Variants in OLFM3 observed in about 807,000 individuals in gnomAD.
OLFM3 encodes the protein noelin-3.
OLFM3 carries 20 observed loss-of-function variants against 48.6 expected under a neutral mutation model. The observed-to-expected ratio is 0.41, with a 90% confidence interval of 0.29 to 0.60. OLFM3 has a LOEUF of 0.60. Among genes scored for constraint, OLFM3 ranks in the 20% least tolerant of loss-of-function variants. OLFM3 has a pLI of 0.28. For missense variants in OLFM3, 437 were observed against 544.3 expected (o/e 0.80, Z 1.96); for synonymous variants, 222 against 198.1 (o/e 1.12, Z -1.01).
At chr1:101,994,305 C>T (rs369785033) in intron 1 of OLFM3, among the ~76,000 whole-genome samples, 56 of 150,820 alleles carry the variant, frequency 3.7e-4, no homozygotes, top group African/African-American at 1.3e-3. Context: ...TATTAGTATG[C>T]AAAAAGGCAG....
intron 1 of OLFM3, among the ~76,000 whole-genome samples, chr1:101,868,644 A>T (rs762399852): frequency 2.6e-4 from 40 of 152,218 alleles, no homozygotes; most frequent in Admixed American, 1.7e-3. Flanking sequence ...TTACATAAGT[A>T]ATGAGGAACC....
chr1:101,833,095 T>C (rs113003790), intron 2 of OLFM3, among the ~76,000 whole-genome samples: 139 of 152,338 alleles, frequency 9.1e-4, no homozygotes, highest in African/African-American at 2.9e-3. Context: ...CTGGGCCAAG[T>C]CTATACAATT....
At chr1:101,964,352 A>G (rs1246705131) in intron 1 of OLFM3, among the ~76,000 whole-genome samples, 2 of 152,204 alleles carry the variant, frequency 1.3e-5, no homozygotes, top group South Asian at 2.1e-4. Context: ...ATATACCACA[A>G]CAAAGGGTTT....
chr1:101,940,411 A>T (rs11585635), intron 1 of OLFM3, among the ~76,000 whole-genome samples: 10,491 of 151,302 alleles, frequency 0.069, 431 homozygotes, highest in South Asian at 0.14. Flanking sequence ...TTTGAAAAAA[A>T]ATCTAGGCCT....
intron 1 of OLFM3, among the ~76,000 whole-genome samples, chr1:101,848,304 T>A (rs956702705): frequency 6.6e-6 from 1 of 152,228 alleles, no homozygotes; most frequent in Non-Finnish European, 1.5e-5. Context: ...TGGACTTGTT[T>A]GTATTTGGAA....
At chr1:101,828,458 A>G (rs1654993680) in intron 3 of OLFM3, among the ~76,000 whole-genome samples, 1 of 152,208 alleles carries the variant, frequency 6.6e-6, no homozygotes, top group Non-Finnish European at 1.5e-5. Flanking sequence ...GATTACATGA[A>G]CTAGGAAAAT....
rs1175865194 is a variant in OLFM3, at chr1:101,949,949, G to A, written c.69+46799C>T. On this transcript the variant is annotated intron_variant, in intron 1 of 5. Transcript: ENST00000370103. ...TCCGTCTGAAAAAAAAAAAAAAAAA[G>A]CCTCTGATGCGGAGTTTGCAGTGAG... Among the ~76,000 whole-genome samples the A allele has an allele frequency of 5.4e-3, 204 of 37,610 alleles. 2 individuals carry two copies. The highest frequency in any genetic ancestry group is 0.036 in the Middle Eastern group (1 of 28). The allele number at this position is 37,610 out of a possible 152,430, so 24.7% of individuals were successfully genotyped here.
intron 1 of OLFM3, among the ~76,000 whole-genome samples, chr1:101,938,756 C>G (rs984408746): frequency 6.6e-6 from 1 of 152,190 alleles, no homozygotes; most frequent in African/African-American, 2.4e-5. Context: ...TTTCTTACAG[C>G]TGCCTCTCTC....
At chr1:101,836,455 A>G (rs1358068079) in intron 2 of OLFM3, among the ~76,000 whole-genome samples, 1 of 152,244 alleles carries the variant, frequency 6.6e-6, no homozygotes, top group Non-Finnish European at 1.5e-5. Context: ...ATTATTCATT[A>G]TCTGTCCAGA....
chr1:101,823,295 A>G (rs937008563), intron 4 of OLFM3, among the ~76,000 whole-genome samples: 7 of 152,090 alleles, frequency 4.6e-5, no homozygotes, highest in African/African-American at 9.7e-5. Context: ...GTGCCTAGCG[A>G]GGACACCAGC....
At chr1:101,954,590 CT>C (rs1557744686) in intron 1 of OLFM3, among the ~76,000 whole-genome samples, 1 of 151,990 alleles carries the variant, frequency 6.6e-6, no homozygotes, top group Non-Finnish European at 1.5e-5. Flanking sequence ...TAACTTTTGG[CT>C]AAAAGTAATA....
chr1:101,943,976 C>A (rs888331710), intron 1 of OLFM3, among the ~76,000 whole-genome samples: 4 of 151,154 alleles, frequency 2.6e-5, no homozygotes, highest in Non-Finnish European at 4.4e-5. Flanking sequence ...GATAAAATAA[C>A]CCCAAAAGAA....
At chr1:101,829,989 C>T (rs1452867339) in intron 3 of OLFM3, among the ~76,000 whole-genome samples, 4 of 151,984 alleles carry the variant, frequency 2.6e-5, no homozygotes, top group Non-Finnish European at 4.4e-5. Context: ...CGCCCACCAC[C>T]ACACCCGGCT....
At chr1:101,916,369 A>C (rs1658924898) in intron 1 of OLFM3, among the ~76,000 whole-genome samples, 1 of 151,714 alleles carries the variant, frequency 6.6e-6, no homozygotes, top group East Asian at 1.9e-4. Context: ...TAAATCTTAC[A>C]TTATCACTTT....
chr1:101,888,536 C>T (rs1657862630), intron 1 of OLFM3, among the ~76,000 whole-genome samples: 1 of 152,114 alleles, frequency 6.6e-6, no homozygotes, highest in African/African-American at 2.4e-5. Context: ...AGATCTAAAA[C>T]CATAAAAACC....
chr1:101,963,598 A>C (rs565377124), intron 1 of OLFM3, among the ~76,000 whole-genome samples: 2 of 152,082 alleles, frequency 1.3e-5, no homozygotes, highest in Non-Finnish European at 2.9e-5. Flanking sequence ...TTAAAAAAAA[A>C]ATCTCTCAGA....
intron 1 of OLFM3, among the ~76,000 whole-genome samples, chr1:101,919,116 C>G (rs1038526446): frequency 1.3e-5 from 2 of 152,100 alleles, no homozygotes; most frequent in African/African-American, 2.4e-5. Flanking sequence ...AACAACTGGA[C>G]AGTAGAACTT....
At chr1:101,830,870 A>G in intron 2 of OLFM3, 43 bp from the exon 3 acceptor site, 1 of 1,571,156 alleles carries the variant, frequency 6.4e-7, no homozygotes, top group Non-Finnish European at 8.6e-7. Context: ...ATCTGTTTGC[A>G]GGTTTGTGCA....
intron 4 of OLFM3, chr1:101,812,734 T>C: frequency 3.0e-6 from 3 of 987,688 alleles, no homozygotes; most frequent in Non-Finnish European, 3.6e-6. Flanking sequence ...ACAGAATTTG[T>C]ACCGGAGGTT....
Sources: allele counts gnomAD v4.1 joint callset (sites outside exome capture counted in the v4.1 genomes callset), GRCh38; gene constraint gnomAD v4.1.1; transcripts MANE v1.5; gene names NCBI Gene and HGNC (gene_info 2026-07-23, HGNC 2026-07-21).